POFUT1: variants seen among roughly 807,000 people sequenced by gnomAD.
POFUT1 encodes the protein GDP-fucose protein O-fucosyltransferase 1.
Under a neutral mutation model 42.4 loss-of-function variants are expected in POFUT1, and 16 were observed. The observed-to-expected ratio is 0.38, with a 90% CI of 0.26 to 0.57. The LOEUF is 0.57. Ranked by LOEUF, POFUT1 falls within the 20% of genes least tolerant of loss-of-function variation. The pLI is 0.71. For missense variants in POFUT1, 470 were observed against 504.6 expected, an observed-to-expected ratio of 0.93 and a Z score of 0.66; for synonymous variants, 206 against 205.4, an observed-to-expected ratio of 1.00 and a Z score of -0.03.
chr20:32,226,594 C>A (rs2047416028), intron 4 of POFUT1, among the ~76,000 whole-genome samples: 1 of 152,090 alleles, frequency 6.6e-6, no homozygotes. Flanking sequence ...CCACACCCAC[C>A]TCCCTAAACA....
chr20:32,224,365 C>T (rs1406788129), intron 4 of POFUT1, among the ~76,000 whole-genome samples: 1 of 152,036 alleles, frequency 6.6e-6, no homozygotes, highest in Non-Finnish European at 1.5e-5. Context: ...GCACTCCAGC[C>T]TGGGTGACAG....
chr20:32,219,698 C>T (rs951548147), intron 4 of POFUT1, among the ~76,000 whole-genome samples: 1 of 151,938 alleles, frequency 6.6e-6, no homozygotes, highest in African/African-American at 2.4e-5. Flanking sequence ...GGGGTTTCAC[C>T]GTGTTAGCCA....
chr20:32,210,017 C>G, intron 1 of POFUT1, 54 bp from the exon 2 acceptor site: 1 of 1,610,646 alleles, frequency 6.2e-7, no homozygotes, highest in South Asian at 1.1e-5. Flanking sequence ...GCCCTGCATG[C>G]TCTATGCCCT....
At chr20:32,223,056 C>T (rs1238437403) in intron 4 of POFUT1, 1 of 985,404 alleles carries the variant, frequency 1.0e-6, no homozygotes, top group South Asian at 4.7e-5. Flanking sequence ...CTGGTGGTCC[C>T]ACAGATACAT....
In POFUT1 at chr20:32,238,448, G is replaced by GA. The variant is rs1482177259; in HGVS notation, c.*3793dup. On this transcript the variant is annotated 3_prime_UTR_variant, in exon 7 of 7. Coordinates refer to ENST00000375749, the MANE Select transcript of POFUT1 (RefSeq NM_015352.2). Reference sequence around the variant, plus strand: ...CCCCAATTTTTCACTATTGTTATTTGAAAAAATATTTTTATTTGTAAGAGT... The same window carrying GA: ...CCCCAATTTTTCACTATTGTTATTTGAAAAAAATATTTTTATTTGTAAGAGT... 1.3e-5 allele frequency: 2 copies of GA among 151,546 alleles called. No individual in the cohort carries two copies. Among genetic ancestry groups the GA allele is most frequent in the African/African-American group, 2.4e-5 (1 of 41,238 alleles). 9.4% of individuals were successfully genotyped at this position (151,546 alleles called of 1,614,324 possible). A position where few individuals can be genotyped will look rare whatever the true frequency, so the allele number is the denominator to read the frequency against.
At chr20:32,208,180 G>A in intron 1 of POFUT1, 115 bp downstream of exon 1, 2 of 1,079,340 alleles carry the variant, frequency 1.9e-6, no homozygotes, top group Non-Finnish European at 2.7e-6. Context: ...ACCTCAGAGC[G>A]GGACGGGGCA....
chr20:32,229,983 G>T (rs1341554465), intron 5 of POFUT1, among the ~76,000 whole-genome samples: 1 of 152,078 alleles, frequency 6.6e-6, no homozygotes, highest in African/African-American at 2.4e-5. Context: ...TTGCCACGTT[G>T]CCCAGACTGG....
chr20:32,211,249 C>G (rs543042099), intron 2 of POFUT1, among the ~76,000 whole-genome samples: 1 of 151,564 alleles, frequency 6.6e-6, no homozygotes, highest in South Asian at 2.1e-4. Context: ...TAATGGAAAC[C>G]ATTGATGTTC....
At chr20:32,208,648 CAAA>C (rs67714814) in intron 1 of POFUT1, among the ~76,000 whole-genome samples, 35,340 of 93,610 alleles carry the variant, frequency 0.38, 6,157 homozygotes, top group East Asian at 0.7. Context: ...AATCCAATCT[CAAA>C]AAAAAAAAAA....
At chr20:32,231,499 G>C (rs1003559918) in intron 6 of POFUT1, among the ~76,000 whole-genome samples, 1 of 152,218 alleles carries the variant, frequency 6.6e-6, no homozygotes, top group African/African-American at 2.4e-5. Flanking sequence ...CTAGTACAGT[G>C]CCTGACACTT....
At chr20:32,229,123 T>C (rs1368864455) in intron 5 of POFUT1, among the ~76,000 whole-genome samples, 4 of 152,208 alleles carry the variant, frequency 2.6e-5, no homozygotes, top group Non-Finnish European at 5.9e-5. Flanking sequence ...AGAGCCAGGA[T>C]GTCTTATGAG....
At chr20:32,220,084 TTATTTCATGTGGCA>T (rs947380334) in intron 4 of POFUT1, among the ~76,000 whole-genome samples, 7 of 152,240 alleles carry the variant, frequency 4.6e-5, no homozygotes, top group Non-Finnish European at 1.0e-4. Context: ...TGTGTCTGGC[TTATTTCATGTGGCA>T]TATTTCATGT....
chr20:32,234,406 G>A, intron 6 of POFUT1, 67 bp from the exon 7 acceptor site: 3 of 1,379,112 alleles, frequency 2.2e-6, no homozygotes, highest in Middle Eastern at 1.9e-4. Flanking sequence ...AATAAGGTTG[G>A]GGGTGTGGAT....
intron 6 of POFUT1, 93 bp from the exon 7 acceptor site, chr20:32,234,380 T>C: frequency 1.7e-6 from 2 of 1,169,280 alleles, no homozygotes; most frequent in Non-Finnish European, 2.4e-6. Context: ...TTTGTGTCTG[T>C]AACTGCAGCT....
At chr20:32,208,136 G>C in intron 1 of POFUT1, 71 bp downstream of exon 1, 3 of 1,434,694 alleles carry the variant, frequency 2.1e-6, no homozygotes, top group Non-Finnish European at 1.9e-6. Flanking sequence ...CTCCTCAGAT[G>C]CGCCCAGAGA....
rs1196021817 is a variant in POFUT1 at position 32,222,819 on chromosome 20, C to T, written c.543-5444C>T. ...TATTGGAAGGCAATGCACCATCGTG[C>T]CAAACCATTCTCAGGTATAATGGTC... On this transcript the variant is annotated intron_variant, in intron 4 of 6. Coordinates refer to ENST00000375749, the MANE Select transcript of POFUT1 (RefSeq NM_015352.2). The T allele has an allele frequency of 3.0e-6, 3 of 985,292 alleles. No homozygotes were observed. The African/African-American group carries it at 5.2e-5, about 17-fold the overall frequency. 61.0% of individuals were successfully genotyped at this position (985,292 alleles called of 1,614,324 possible).
rs1428651565 is a variant in POFUT1, at chr20:32,215,177, C to T, written c.247-92C>T. The stretch of plus-strand genomic sequence containing the variant: ...GTGCTGGGATTACAGGCGTGAGCCA[C>T]TGCACCTGGCCTGGAGTGTATTGTT... On this transcript the variant is annotated intron_variant, in intron 2 of 6. Transcript: ENST00000375749. 21 of 995,124 alleles carry T rather than the reference C, an allele frequency of 2.1e-5. No homozygotes were observed. The Admixed American group carries it at 4.5e-4, about 21-fold the overall frequency. 61.6% of individuals were successfully genotyped at this position (995,124 alleles called of 1,614,324 possible). A position where few individuals can be genotyped will look rare whatever the true frequency, so the allele number is the denominator to read the frequency against.
At position 32,224,478 on chromosome 20, in the gene POFUT1, G is replaced by A. The variant is rs77844643; in HGVS notation, c.543-3785G>A. ...AGGAACACTTTCTTGTCACTGGTCC[G>A]AGGCCTGTGTAAGTGACACAGGCCT... On this transcript the variant is annotated intron_variant, in intron 4 of 6. Coordinates refer to ENST00000375749, the MANE Select transcript of POFUT1 (RefSeq NM_015352.2). Among the ~76,000 whole-genome samples, 398 of 152,278 alleles carry A rather than the reference G, an allele frequency of 2.6e-3. 10 individuals are homozygous for A. The East Asian group carries it at 0.051, about 20-fold the overall frequency.
intron 2 of POFUT1, among the ~76,000 whole-genome samples, chr20:32,211,696 A>G (rs2047330107): frequency 6.6e-6 from 1 of 152,074 alleles, no homozygotes; most frequent in African/African-American, 2.4e-5. Context: ...GTGGCTTACT[A>G]ACCTGCTCCA....
Sources: allele counts gnomAD v4.1 joint callset (sites outside exome capture counted in the v4.1 genomes callset), GRCh38; gene constraint gnomAD v4.1.1; transcripts MANE v1.5; gene names NCBI Gene and HGNC (gene_info 2026-07-23, HGNC 2026-07-21).